SPTBN1: variants seen among roughly 807,000 people sequenced by gnomAD.
SPTBN1 encodes spectrin beta chain, non-erythrocytic 1.
Under a neutral mutation model 266.4 loss-of-function variants are expected in SPTBN1, and 32 were observed. That is an observed-to-expected ratio of 0.12 (90% CI 0.09 to 0.16). The LOEUF is 0.16. SPTBN1 is among the 10% of genes least tolerant of loss of function. SPTBN1 has a pLI of 1.00. For missense variants in SPTBN1, 2,296 were observed against 3,067.1 expected (o/e 0.75, Z 5.94); for synonymous variants, 1,336 against 1,162.2 (o/e 1.15, Z -3.04).
rs748602373 is a variant in SPTBN1 at position 54,668,468 on chromosome 2, A to G, written c.6994A>G (p.Ser2332Gly). The change falls in exon 36 of 36, where the codon AGC (serine) becomes GGC (glycine). Residue 2332 changes from serine (S) to glycine (G), a missense_variant. Physicochemically the swap from Ser to Gly is moderately conservative, Grantham distance 56 (BLOSUM62 0). Around this residue, in one of 12 missense-constraint regions of SPTBN1, gnomAD observed 347 missense variants for 368.5 expected, o/e 0.94. Coordinates refer to ENST00000356805, the MANE Select transcript of SPTBN1 (RefSeq NM_003128.3). ...CAGCCGCGCGCAGACCCTCCCCACC[A>G]GCGTCGTCACCATCACCAGCGAGTC... Reference protein sequence around the residue: ...ASSRAQTLPTSVVTITSESSP... With the variant: ...ASSRAQTLPTGVVTITSESSP... 1.2e-6 allele frequency: 2 copies of G among 1,614,180 alleles called. No individual in the cohort carries two copies. The highest frequency in any genetic ancestry group is 4.5e-5 in the East Asian group (2 of 44,890).
chr2:54,668,681 T>C lies in SPTBN1; in HGVS notation c.*112T>C, dbSNP rs78796985. ...GCCTAATGTTCCTCAATGTGGTTGA[T>C]TTTTTTTTTTTTTTAATTTATAGAG... On this transcript the variant is annotated 3_prime_UTR_variant, in exon 36 of 36. Transcript: ENST00000356805. 5.0e-6 allele frequency: 1 copy of C among 199,732 alleles called. No homozygotes were observed. The highest frequency in any genetic ancestry group is 7.1e-5 in the Admixed American group (1 of 14,100). 12.4% of individuals were successfully genotyped at this position (199,732 alleles called of 1,614,324 possible).
intron 4 of SPTBN1, among the ~76,000 whole-genome samples, chr2:54,615,735 G>T (rs1041438120): frequency 6.6e-6 from 1 of 152,192 alleles, no homozygotes; most frequent in African/African-American, 2.4e-5. Flanking sequence ...GCTTATGAAG[G>T]CACACCATGG....
chr2:54,617,930 A>G, intron 6 of SPTBN1, 148 bp from the exon 7 acceptor site: 1 of 694,972 alleles, frequency 1.4e-6, no homozygotes. Context: ...ATCAGGTTTC[A>G]TTGTTTGATG....
At chr2:54,635,632 G>A (rs1572723173) in intron 17 of SPTBN1, among the ~76,000 whole-genome samples, 1 of 152,170 alleles carries the variant, frequency 6.6e-6, no homozygotes, top group South Asian at 2.1e-4. Flanking sequence ...TGTTATTTCC[G>A]TGAGAGGCGA....
chr2:54,617,243 G>T (rs1171086009), intron 5 of SPTBN1, among the ~76,000 whole-genome samples: 1 of 152,216 alleles, frequency 6.6e-6, no homozygotes, highest in South Asian at 2.1e-4. Context: ...TGTGACAAGG[G>T]ACTGCAGGTC....
chr2:54,518,510 AAC>A, intron 1 of SPTBN1, among the ~76,000 whole-genome samples: 1 of 151,568 alleles, frequency 6.6e-6, no homozygotes, highest in South Asian at 2.1e-4. Context: ...TTGGCAACTG[AAC>A]AGTTGAGATA....
At chr2:54,662,705 C>T (rs1348453362) in intron 32 of SPTBN1, 1 of 152,204 alleles carries the variant, frequency 6.6e-6, no homozygotes, top group Non-Finnish European at 1.5e-5. Flanking sequence ...AGATTTGTCA[C>T]CTTTAAAGTC....
intron 1 of SPTBN1, among the ~76,000 whole-genome samples, chr2:54,510,466 G>C (rs1197086361): frequency 6.6e-6 from 1 of 152,188 alleles, no homozygotes; most frequent in Non-Finnish European, 1.5e-5. Context: ...CCCAGCCCCT[G>C]ATACTTCTCT....
intron 17 of SPTBN1, among the ~76,000 whole-genome samples, chr2:54,636,076 C>T (rs1432315542): frequency 6.6e-6 from 1 of 152,168 alleles, no homozygotes; most frequent in African/African-American, 2.4e-5. Flanking sequence ...TGCCCTTAAT[C>T]CCATCTGTAG....
chr2:54,577,835 A>G (rs1674596645), intron 2 of SPTBN1, among the ~76,000 whole-genome samples: 1 of 152,114 alleles, frequency 6.6e-6, no homozygotes, highest in Non-Finnish European at 1.5e-5. Flanking sequence ...CCACATTAGG[A>G]TTTTGTTAGG....
intron 2 of SPTBN1, among the ~76,000 whole-genome samples, chr2:54,550,287 G>A (rs547718418): frequency 6.6e-6 from 1 of 152,314 alleles, no homozygotes; most frequent in Non-Finnish European, 1.5e-5. Context: ...TGTGCCCAGC[G>A]AGTGGCTGCC....
intron 27 of SPTBN1, among the ~76,000 whole-genome samples, chr2:54,654,432 C>T (rs561822763): frequency 6.6e-6 from 1 of 152,152 alleles, no homozygotes; most frequent in Non-Finnish European, 1.5e-5. Flanking sequence ...TATTTAACCT[C>T]CAGTTCACCC....
chr2:54,477,217 T>A (rs2103905687), intron 1 of SPTBN1, among the ~76,000 whole-genome samples: 1 of 152,340 alleles, frequency 6.6e-6, no homozygotes, highest in East Asian at 1.9e-4. Flanking sequence ...AGGGATTTTA[T>A]GCCTGCGTAT....
chr2:54,522,677 A>C (rs867435463), intron 1 of SPTBN1, among the ~76,000 whole-genome samples: 1 of 67,308 alleles, frequency 1.5e-5, no homozygotes, highest in Non-Finnish European at 3.4e-5. Flanking sequence ...AGAGAGAGAG[A>C]GGAGAGAGAG....
chr2:54,490,568 T>C (rs78288397), intron 1 of SPTBN1, among the ~76,000 whole-genome samples: 4,783 of 152,290 alleles, frequency 0.031, 110 homozygotes, highest in South Asian at 0.12. Flanking sequence ...TTTGAAGTAA[T>C]TGGCTATCTT....
chr2:54,479,680 C>T (rs1668006787), intron 1 of SPTBN1, among the ~76,000 whole-genome samples: 1 of 152,080 alleles, frequency 6.6e-6, no homozygotes, highest in South Asian at 2.1e-4. Context: ...TGACTCACTT[C>T]CTAGGGTGTT....
At chr2:54,584,892 T>A (rs1303941974) in intron 2 of SPTBN1, among the ~76,000 whole-genome samples, 1 of 152,146 alleles carries the variant, frequency 6.6e-6, no homozygotes, top group Non-Finnish European at 1.5e-5. Context: ...TGGAAGCACC[T>A]GACTTTTTGG....
chr2:54,483,993 G>T (rs1472434150), intron 1 of SPTBN1, among the ~76,000 whole-genome samples: 1 of 152,080 alleles, frequency 6.6e-6, no homozygotes, highest in Non-Finnish European at 1.5e-5. Context: ...CCAGGGGTTC[G>T]AGACCAGCCT....
chr2:54,508,371 G>A (rs1007856903), intron 1 of SPTBN1, among the ~76,000 whole-genome samples: 1 of 152,200 alleles, frequency 6.6e-6, no homozygotes, highest in Non-Finnish European at 1.5e-5. Flanking sequence ...AGTCCTGGGC[G>A]GGGCAAATCC....
Sources: allele counts gnomAD v4.1 joint callset (sites outside exome capture counted in the v4.1 genomes callset), GRCh38; gene constraint gnomAD v4.1.1; regional missense constraint gnomAD v4.1.1; transcripts MANE v1.5; gene names NCBI Gene and HGNC (gene_info 2026-07-23, HGNC 2026-07-21).